Variants in PPHLN1 observed in about 807,000 individuals in gnomAD.
PPHLN1 encodes periphilin 1, also known as periphilin-1.
A neutral mutation model predicts 51.3 loss-of-function variants in PPHLN1; 29 were observed. The observed-to-expected ratio is 0.57, with a 90% CI of 0.42 to 0.77. PPHLN1 has a LOEUF of 0.77. PPHLN1 is among the 30% of genes least tolerant of loss of function. The pLI, the probability that PPHLN1 is intolerant of heterozygous loss-of-function variation, is 0.00. For synonymous variants in PPHLN1, 147 were observed against 147.8 expected, an observed-to-expected ratio of 0.99 and a Z score of 0.04; for missense variants, 436 against 438.4, an observed-to-expected ratio of 0.99 and a Z score of 0.05.
At chr12:42,422,562 T>G (rs1460478502) in intron 9 of PPHLN1, among the ~76,000 whole-genome samples, 1 of 152,236 alleles carries the variant, frequency 6.6e-6, no homozygotes, top group Non-Finnish European at 1.5e-5. Flanking sequence ...CTGTTATTCT[T>G]TCCTAAAATT....
At chr12:42,396,750 A>G (rs1194370456) in intron 8 of PPHLN1, among the ~76,000 whole-genome samples, 1 of 150,960 alleles carries the variant, frequency 6.6e-6, no homozygotes, top group Admixed American at 6.6e-5. Flanking sequence ...TGATCACACC[A>G]TGGCCCTCCA....
intron 9 of PPHLN1, chr12:42,433,026 C>T: frequency 9.4e-7 from 1 of 1,066,140 alleles, no homozygotes; most frequent in South Asian, 1.3e-5. Flanking sequence ...TCTCTCATAT[C>T]CTCAGGAAAA....
intron 9 of PPHLN1, among the ~76,000 whole-genome samples, chr12:42,419,273 A>T (rs2080762711): frequency 6.6e-6 from 1 of 151,902 alleles, no homozygotes; most frequent in Non-Finnish European, 1.5e-5. Flanking sequence ...ATGGAGTCTC[A>T]CTCTGTTGCC....
intron 5 of PPHLN1, among the ~76,000 whole-genome samples, chr12:42,377,624 T>C (rs1565877414): frequency 6.6e-6 from 1 of 152,120 alleles, no homozygotes; most frequent in Non-Finnish European, 1.5e-5. Flanking sequence ...GTTTTTGGGA[T>C]GTGTATGACT....
chr12:42,403,470 G>A (rs996292849), intron 9 of PPHLN1, among the ~76,000 whole-genome samples: 1 of 152,156 alleles, frequency 6.6e-6, no homozygotes, highest in Admixed American at 6.5e-5. Context: ...TGAAGTAAAA[G>A]TATAAAGTTT....
chr12:42,375,011 A>T lies in PPHLN1; in HGVS notation c.448A>T (p.Ser150Cys), dbSNP rs1314712089. Reference protein sequence around the residue: ...SPHSRSGSSVSSRSYSPERSK... With the variant: ...SPHSRSGSSVCSRSYSPERSK... ...ACACAGCAGATCTGGTTCCAGTGTC[A>T]GTAGCAGAAGCTACTCTCCAGAAAG... The change falls in exon 5 of 10, where the codon AGT becomes TGT. Residue 150 changes from serine (S) to cysteine (C), a missense_variant. By Grantham distance (112) the Ser-to-Cys change is moderately radical. Coordinates refer to ENST00000358314, the MANE Select transcript of PPHLN1 (RefSeq NM_201439.2). The T allele has an allele frequency of 3.1e-6, 5 of 1,613,912 alleles. No homozygotes were observed. The highest frequency in any genetic ancestry group is 4.2e-6 in the Non-Finnish European group (5 of 1,179,958).
chr12:42,343,915 T>C (rs1484094117), intron 2 of PPHLN1: 1 of 446,044 alleles, frequency 2.2e-6, no homozygotes, highest in Non-Finnish European at 4.5e-6. Flanking sequence ...GTGAGTGAAA[T>C]AAATCAACAA....
chr12:42,344,940 C>T (rs1372489336), intron 2 of PPHLN1, among the ~76,000 whole-genome samples: 1 of 151,996 alleles, frequency 6.6e-6, no homozygotes, highest in Non-Finnish European at 1.5e-5. Flanking sequence ...GAATTCCTGG[C>T]CTCAAACTGA....
chr12:42,375,322 T>G (rs1050232464), intron 5 of PPHLN1: 8 of 312,854 alleles, frequency 2.6e-5, no homozygotes, highest in Admixed American at 9.4e-5. Context: ...AAGGTTTTTT[T>G]TTTTTTTTTT....
Position 42,393,674 on chromosome 12 carries a change from A to C in PPHLN1, c.753A>C (p.Glu251Asp). The part of the protein sequence containing the change: ...LEKSDESNLP[E>D]ISEYEAGSTA... ...AATCAGATGAAAGTAACTTGCCTGA[A>C]ATTTCTGAGTATGAGGTAAGGCATA... Residue 251 changes from glutamate to aspartate, a missense_variant, in exon 8 of 10, where the codon GAA becomes GAC. Transcript: ENST00000358314. 8 of 1,607,746 alleles carry C rather than the reference A, an allele frequency of 5.0e-6. No homozygotes were observed. Among genetic ancestry groups the C allele is most frequent in the Non-Finnish European group, 5.9e-6 (7 of 1,178,062 alleles).
At chr12:42,445,974 C>A (rs2083292963), downstream of PPHLN1, 5 of 1,501,278 alleles carry the variant, frequency 3.3e-6, no homozygotes, top group East Asian at 2.5e-5. Context: ...TCCCCTCAGG[C>A]CCTCTTTGGA....
intron 2 of PPHLN1, chr12:42,346,989 G>C (rs1397560757): frequency 6.6e-6 from 1 of 152,166 alleles, no homozygotes; most frequent in Non-Finnish European, 1.5e-5. Flanking sequence ...AGGCTCAAGG[G>C]ATCCTCTCAC....
chr12:42,330,207 C>G (rs969362370), intron 1 of PPHLN1, among the ~76,000 whole-genome samples: 3 of 152,226 alleles, frequency 2.0e-5, no homozygotes, highest in Admixed American at 6.5e-5. Context: ...GGGTGGTTTT[C>G]TCCTATCTCA....
intron 2 of PPHLN1, among the ~76,000 whole-genome samples, chr12:42,338,086 G>T (rs1383309853): frequency 6.6e-5 from 10 of 151,692 alleles, no homozygotes; most frequent in Admixed American, 6.6e-4. Flanking sequence ...CACTGCACCC[G>T]CATCTAATTT....
At chr12:42,414,431 G>C (rs1461383369) in intron 9 of PPHLN1, among the ~76,000 whole-genome samples, 2 of 152,142 alleles carry the variant, frequency 1.3e-5, no homozygotes, top group Admixed American at 6.5e-5. Flanking sequence ...CATGAGCATG[G>C]GATATGTTTC....
chr12:42,338,851 A>G (rs1233172158), intron 2 of PPHLN1, among the ~76,000 whole-genome samples: 1 of 152,224 alleles, frequency 6.6e-6, no homozygotes, highest in Non-Finnish European at 1.5e-5. Context: ...TAAAAGTTCA[A>G]GTGATTCTTA....
At chr12:42,349,712 A>T (rs958139498) in intron 2 of PPHLN1, among the ~76,000 whole-genome samples, 2 of 152,092 alleles carry the variant, frequency 1.3e-5, no homozygotes, top group African/African-American at 4.8e-5. Context: ...TTCAGAGAGC[A>T]CGGGGTTGGG....
At chr12:42,379,788 C>T (rs2076608522) in intron 5 of PPHLN1, among the ~76,000 whole-genome samples, 1 of 151,852 alleles carries the variant, frequency 6.6e-6, no homozygotes, top group African/African-American at 2.4e-5. Context: ...TTCTCAAAAT[C>T]TCATTTAGTG....
intron 9 of PPHLN1, among the ~76,000 whole-genome samples, chr12:42,410,986 T>A (rs1470666629): frequency 6.6e-6 from 1 of 152,122 alleles, no homozygotes; most frequent in Non-Finnish European, 1.5e-5. Flanking sequence ...CTGTTTAAGG[T>A]GATTTATGTT....
Sources: allele counts gnomAD v4.1 joint callset (sites outside exome capture counted in the v4.1 genomes callset), GRCh38; gene constraint gnomAD v4.1.1; transcripts MANE v1.5; gene names NCBI Gene and HGNC (gene_info 2026-07-23, HGNC 2026-07-21).